The following UBR2 variants were observed in gnomAD, a reference collection of about 807,000 sequenced individuals.
UBR2 encodes E3 ubiquitin-protein ligase UBR2.
UBR2 carries 92 observed loss-of-function variants against 247.9 expected under a neutral mutation model. The ratio of observed to expected loss-of-function variants is 0.37; its 90% confidence interval spans 0.31 to 0.44. UBR2 has a LOEUF of 0.44. Among genes scored for constraint, UBR2 ranks in the 20% least tolerant of loss-of-function variants. The pLI is 1.00. For synonymous variants in UBR2, 672 were observed against 693.5 expected (o/e 0.97, Z 0.49); for missense variants, 1,613 against 2,112.6 (o/e 0.76, Z 4.64).
rs1469248985 is a variant in UBR2 at position 42,614,362 on chromosome 6, A to G, written c.986-709A>G. ...TATGTGTGTATGTATGTGTGTATAT[A>G]TGTGTGTATGTGTGTATATATGTAT... On this transcript the variant is annotated intron_variant, in intron 8 of 46. Coordinates refer to ENST00000372901, the MANE Select transcript of UBR2 (RefSeq NM_001363705.2). Among the ~76,000 whole-genome samples, 23 of 112,022 alleles carry G rather than the reference A, an allele frequency of 2.1e-4. 1 individual carries two copies. The highest frequency in any genetic ancestry group is 1.1e-3 in the East Asian group (4 of 3,674). 73.5% of individuals were successfully genotyped at this position (112,022 alleles called of 152,430 possible).
chr6:42,594,093 A>T, intron 3 of UBR2, 98 bp from the exon 4 acceptor site: 1 of 855,460 alleles, frequency 1.2e-6, no homozygotes, highest in Non-Finnish European at 1.8e-6. Flanking sequence ...TTAAACACTT[A>T]AGCAATGGTA....
intron 34 of UBR2, among the ~76,000 whole-genome samples, chr6:42,667,554 T>A (rs1216557617): frequency 6.8e-6 from 1 of 147,082 alleles, no homozygotes; most frequent in Non-Finnish European, 1.5e-5. Context: ...AGTTGCGTAT[T>A]AGAATTATAT....
At chr6:42,612,820 G>T (rs139197670) in intron 8 of UBR2, among the ~76,000 whole-genome samples, 1 of 152,104 alleles carries the variant, frequency 6.6e-6, no homozygotes, top group Non-Finnish European at 1.5e-5. Flanking sequence ...AAAATTTTTG[G>T]CCAGGTGCCA....
At chr6:42,652,237 T>C (rs1011202847) in intron 24 of UBR2, among the ~76,000 whole-genome samples, 166 bp downstream of exon 24, 8 of 152,170 alleles carry the variant, frequency 5.3e-5, no homozygotes, top group African/African-American at 1.9e-4. Flanking sequence ...AACACAGAAA[T>C]AGTTTGTGCT....
intron 11 of UBR2, among the ~76,000 whole-genome samples, chr6:42,627,529 G>A (rs1024343887): frequency 2.6e-5 from 4 of 151,936 alleles, no homozygotes; most frequent in Admixed American, 6.6e-5. Flanking sequence ...TCAGGGTCTC[G>A]CTCTGTTGCC....
intron 9 of UBR2, 118 bp downstream of exon 9, chr6:42,615,296 C>A: frequency 1.5e-6 from 1 of 673,096 alleles, no homozygotes; most frequent in Non-Finnish European, 2.2e-6. Flanking sequence ...TTAAAATTAG[C>A]ATTGCAGTCT....
intron 2 of UBR2, among the ~76,000 whole-genome samples, chr6:42,588,670 A>AAAC (rs1032462770): frequency 1.3e-5 from 2 of 152,136 alleles, no homozygotes; most frequent in Non-Finnish European, 2.9e-5. Context: ...CTATCCCAAG[A>AAAC]AACAACAACA....
In UBR2 at chr6:42,642,427, C is replaced by T. The variant is rs1479673798; in HGVS notation, c.2043C>T (p.Tyr681=). The change falls in exon 18 of 47, where the codon TAC becomes TAT. Residue 681 remains tyrosine, a synonymous_variant. Transcript: ENST00000372901. ...GFSLVNQIYY[Y]HNVKCRREMF... ...ACTTTTTTTTTTAGATTTATTACTA[C>T]CATAATGTGAAATGCAGACGTGAGA... 6.2e-7 allele frequency: 1 copy of T among 1,605,640 alleles called. No individual in the cohort carries two copies. The highest frequency in any genetic ancestry group is 1.1e-5 in the South Asian group (1 of 90,434).
Position 42,644,255 on chromosome 6 carries a change from C to T in UBR2, c.2139C>T (p.Ile713=). 2 of 1,611,070 alleles carry T rather than the reference C, an allele frequency of 1.2e-6. No homozygotes were observed. Among genetic ancestry groups the T allele is most frequent in the South Asian group, 1.1e-5 (1 of 90,892 alleles). ...TGGATCCAAATCATTTCCTGATGAT[C>T]ATGCTCAGCCGCTTTGAACTTTATC... ...SMMDPNHFLM[I]MLSRFELYQI... Residue 713 remains isoleucine, a synonymous_variant, in exon 19 of 47, where the codon ATC becomes ATT. Coordinates refer to ENST00000372901, the MANE Select transcript of UBR2 (RefSeq NM_001363705.2).
At chr6:42,611,353 C>T (rs13192141) in intron 7 of UBR2, among the ~76,000 whole-genome samples, 8 of 149,108 alleles carry the variant, frequency 5.4e-5, no homozygotes, top group Admixed American at 4.7e-4. Context: ...CCCAGCTACT[C>T]GGGAAGCTGA....
intron 42 of UBR2, 136 bp downstream of exon 42, chr6:42,679,968 G>T: frequency 1.7e-6 from 1 of 604,442 alleles, no homozygotes; most frequent in Non-Finnish European, 2.8e-6. Flanking sequence ...ATAATGGGTG[G>T]GCCTTTTGTT....
intron 10 of UBR2, 167 bp from the exon 11 acceptor site, chr6:42,617,242 T>C: frequency 6.2e-7 from 1 of 1,614,070 alleles, no homozygotes; most frequent in Non-Finnish European, 8.5e-7. Flanking sequence ...TTGTTTAGAA[T>C]TACCAGCAGT....
Position 42,642,469 on chromosome 6 carries a change from A to G in UBR2, c.2085A>G (p.Val695=), listed in dbSNP as rs760757115. The G allele has an allele frequency of 1.9e-6, 3 of 1,610,908 alleles. No homozygotes were observed. The highest frequency in any genetic ancestry group is 1.3e-5 in the African/African-American group (1 of 74,902). The stretch of plus-strand genomic sequence containing the variant: ...GACGTGAGATGTTTGACAAGGATGT[A>G]GTAATGCTTCAGGTAATGAATTAAA... ...KCRREMFDKD[V]VMLQTGVSMM... is the part of the protein sequence containing the mutation. The change falls in exon 18 of 47, where the codon GTA becomes GTG. Residue 695 remains valine (V), a synonymous_variant. Transcript: ENST00000372901.
rs2151894525 is a variant in UBR2 at position 42,564,306 on chromosome 6, G to A, written c.-14G>A. 1 of 1,606,748 alleles carries A rather than the reference G, an allele frequency of 6.2e-7. No individual in the cohort carries two copies. Among genetic ancestry groups the A allele is most frequent in the South Asian group, 1.1e-5 (1 of 89,520 alleles). On this transcript the variant is annotated 5_prime_UTR_variant, in exon 1 of 47. Coordinates refer to ENST00000372901, the MANE Select transcript of UBR2 (RefSeq NM_001363705.2). ...TCCGGGCGGCGGTAGCGCTGGGGAG[G>A]AGGAGGAGAGAAGATGGCGTCGGAG...
chr6:42,628,366 G>C (rs951535298), intron 11 of UBR2, among the ~76,000 whole-genome samples: 1 of 151,954 alleles, frequency 6.6e-6, no homozygotes, highest in African/African-American at 2.4e-5. Flanking sequence ...TTTTACAGCA[G>C]TGGTACCTTT....
chr6:42,631,860 T>TTATATATATAA lies in UBR2; in HGVS notation c.1282-682_1282-681insATATATATATA, dbSNP rs1211158800. On this transcript the variant is annotated intron_variant, in intron 11 of 46. Transcript: ENST00000372901. ...GTATTATGTAGTATATACTCTGATT[T>TTATATATATAA]TATATATATATATATATATATATAT... 4.9e-5 allele frequency among the ~76,000 whole-genome samples: 3 copies of TTATATATATAA among 61,506 alleles called. 1 individual carries two copies. Among genetic ancestry groups the TTATATATATAA allele is most frequent in the African/African-American group, 1.5e-4 (3 of 20,100 alleles). 40.4% of individuals were successfully genotyped at this position (61,506 alleles called of 152,430 possible).
At chr6:42,657,995 T>C (rs1797536758) in intron 26 of UBR2, 29 bp from the exon 27 acceptor site, 1 of 1,531,330 alleles carries the variant, frequency 6.5e-7, no homozygotes, top group Non-Finnish European at 9.0e-7. Context: ...TTAGCTATTG[T>C]TATTGTGCCT....
intron 7 of UBR2, among the ~76,000 whole-genome samples, chr6:42,610,074 G>T (rs1793974839): frequency 1.3e-5 from 2 of 150,522 alleles, no homozygotes; most frequent in South Asian, 4.2e-4. Flanking sequence ...CTACTCTGGA[G>T]GCTGAGGCAG....
In UBR2 at chr6:42,644,524, A is replaced by G; in HGVS notation, c.2272A>G (p.Ile758Val). The change falls in exon 20 of 47, where the codon ATA becomes GTA. Residue 758 changes from isoleucine to valine, a missense_variant. Ile to Val is a conservative substitution (Grantham distance 29, BLOSUM62 3). Coordinates refer to ENST00000372901, the MANE Select transcript of UBR2 (RefSeq NM_001363705.2). ...AATAGAAGAAATGCTATACCTCATT[A>G]TAATGCTTGTTGGTAAGTTTAAATT... ...TLIEEMLYLI[I>V]MLVGERFSPG... The G allele has an allele frequency of 1.2e-6, 2 of 1,609,984 alleles. No homozygotes were observed. Among genetic ancestry groups the G allele is most frequent in the Non-Finnish European group, 1.7e-6 (2 of 1,178,622 alleles).
Sources: allele counts gnomAD v4.1 joint callset (sites outside exome capture counted in the v4.1 genomes callset), GRCh38; gene constraint gnomAD v4.1.1; transcripts MANE v1.5; gene names NCBI Gene and HGNC (gene_info 2026-07-23, HGNC 2026-07-21).